PDIA5: variants seen among roughly 807,000 people sequenced by gnomAD.
PDIA5 encodes protein disulfide isomerase family A member 5.
In PDIA5, 58 loss-of-function variants were observed where a neutral mutation model predicts 77.6. The ratio of observed to expected loss-of-function variants is 0.75; its 90% CI spans 0.61 to 0.93. The LOEUF (loss-of-function observed/expected upper bound fraction) is 0.93. Ranked by LOEUF, PDIA5 falls within the 40% of genes least tolerant of loss-of-function variation. The pLI is 0.00. For synonymous variants in PDIA5, 250 were observed against 252.1 expected, an observed-to-expected ratio of 0.99 and a Z score of 0.08; for missense variants, 630 against 647.7, an observed-to-expected ratio of 0.97 and a Z score of 0.30.
intron 11 of PDIA5, among the ~76,000 whole-genome samples, chr3:123,136,452 GT>G (rs1347742671): frequency 6.6e-6 from 1 of 152,114 alleles, no homozygotes; most frequent in Non-Finnish European, 1.5e-5. Context: ...ACAACAGGGG[GT>G]TGGTTGGCTG....
intron 1 of PDIA5, among the ~76,000 whole-genome samples, chr3:123,071,817 G>A (rs376559400): frequency 1.3e-5 from 2 of 152,164 alleles, no homozygotes; most frequent in East Asian, 3.9e-4. Context: ...AGTGTCCCCA[G>A]CACCTAGCCC....
At chr3:123,092,031 C>T (rs1449478458) in intron 2 of PDIA5, among the ~76,000 whole-genome samples, 1 of 152,228 alleles carries the variant, frequency 6.6e-6, no homozygotes, top group East Asian at 1.9e-4. Context: ...GGAGACTTTA[C>T]TGGCCTTGAG....
chr3:123,126,269 G>T (rs1364809047), intron 10 of PDIA5, among the ~76,000 whole-genome samples: 2 of 151,712 alleles, frequency 1.3e-5, no homozygotes, highest in Non-Finnish European at 2.9e-5. Flanking sequence ...CATTGCTCCG[G>T]CTGGCCTGCA....
At chr3:123,109,916 A>G (rs1934822775) in intron 6 of PDIA5, among the ~76,000 whole-genome samples, 1 of 152,258 alleles carries the variant, frequency 6.6e-6, no homozygotes, top group Non-Finnish European at 1.5e-5. Context: ...ATGATGCAGT[A>G]GTATCCCATT....
At chr3:123,115,472 G>T (rs1001012115) in intron 7 of PDIA5, among the ~76,000 whole-genome samples, 1 of 152,134 alleles carries the variant, frequency 6.6e-6, no homozygotes, top group Admixed American at 6.5e-5. Context: ...AGCCCCGGAG[G>T]GCTGAGCCAA....
intron 15 of PDIA5, among the ~76,000 whole-genome samples, chr3:123,159,327 A>C (rs1004877642): frequency 1.3e-5 from 2 of 152,186 alleles, no homozygotes; most frequent in Non-Finnish European, 2.9e-5. Flanking sequence ...CAATTTGGCC[A>C]GGGGAGCATC....
intron 1 of PDIA5, chr3:123,067,540 G>A (rs1933603476): frequency 3.1e-6 from 1 of 322,996 alleles, no homozygotes; most frequent in Admixed American, 5.0e-5. Context: ...GGGCTGCGGG[G>A]TGAGCTCCGC....
chr3:123,074,654 T>G (rs1205538206), intron 1 of PDIA5, among the ~76,000 whole-genome samples: 3 of 152,200 alleles, frequency 2.0e-5, no homozygotes, highest in Non-Finnish European at 4.4e-5. Context: ...AAAATATGAT[T>G]TCTGTTGGTG....
chr3:123,078,037 T>C (rs1933901443), intron 1 of PDIA5, among the ~76,000 whole-genome samples: 1 of 152,158 alleles, frequency 6.6e-6, no homozygotes, highest in African/African-American at 2.4e-5. Context: ...CTCAAACTCC[T>C]GACTGCGTGA....
chr3:123,096,065 T>A (rs1934428303), intron 3 of PDIA5, among the ~76,000 whole-genome samples: 1 of 152,074 alleles, frequency 6.6e-6, no homozygotes, highest in South Asian at 2.1e-4. Flanking sequence ...TCCCTCCCCA[T>A]TCCCCATTTT....
At chr3:123,160,878 G>A (rs764987431) in intron 15 of PDIA5, among the ~76,000 whole-genome samples, 1 of 152,146 alleles carries the variant, frequency 6.6e-6, no homozygotes, top group Non-Finnish European at 1.5e-5. Context: ...CAAACCAAGA[G>A]TGCACTTGGG....
chr3:123,089,673 G>A (rs1474701228), intron 2 of PDIA5, among the ~76,000 whole-genome samples: 2 of 152,266 alleles, frequency 1.3e-5, no homozygotes, highest in Non-Finnish European at 2.9e-5. Context: ...CTTCACCAGA[G>A]CTGTTGATTA....
intron 1 of PDIA5, among the ~76,000 whole-genome samples, chr3:123,085,759 G>T (rs1239923791): frequency 6.6e-6 from 1 of 152,188 alleles, no homozygotes; most frequent in African/African-American, 2.4e-5. Flanking sequence ...CTGGACTACA[G>T]GTCAGAGTCC....
intron 11 of PDIA5, among the ~76,000 whole-genome samples, chr3:123,144,256 A>G (rs1935707763): frequency 6.6e-6 from 1 of 152,150 alleles, no homozygotes; most frequent in South Asian, 2.1e-4. Context: ...TCTTTTTCCT[A>G]ACAATCAGTA....
At chr3:123,079,056 G>A (rs1200392017) in intron 1 of PDIA5, among the ~76,000 whole-genome samples, 1 of 152,032 alleles carries the variant, frequency 6.6e-6, no homozygotes, top group Admixed American at 6.5e-5. Context: ...GCTTATTATG[G>A]CAAGTTGAAA....
intron 11 of PDIA5, among the ~76,000 whole-genome samples, chr3:123,143,024 A>G (rs1935678001): frequency 6.6e-6 from 1 of 152,118 alleles, no homozygotes; most frequent in Admixed American, 6.5e-5. Context: ...TGTATCTATT[A>G]AATGGTGATC....
chr3:123,152,111 T>TCCTTCCTGCCTTCCTTCCTGCCTG (rs1553805960), intron 14 of PDIA5, among the ~76,000 whole-genome samples: 3 of 74,538 alleles, frequency 4.0e-5, no homozygotes, highest in Non-Finnish European at 5.7e-5. Flanking sequence ...CTTCCTTCCT[T>TCCTTCCTGCCTTCCTTCCTGCCTG]CCTTCCTTCC....
chr3:123,078,251 C>T (rs569190410), intron 1 of PDIA5, among the ~76,000 whole-genome samples: 3 of 152,032 alleles, frequency 2.0e-5, no homozygotes, highest in East Asian at 1.9e-4. Flanking sequence ...TGAACGGAGG[C>T]GAGACAGTTC....
chr3:123,085,931 G>C (rs922776861), intron 1 of PDIA5, among the ~76,000 whole-genome samples: 1 of 152,222 alleles, frequency 6.6e-6, no homozygotes, highest in African/African-American at 2.4e-5. Flanking sequence ...TTAGCTCCCT[G>C]GGAGTAGTAG....
Sources: allele counts gnomAD v4.1 joint callset (sites outside exome capture counted in the v4.1 genomes callset), GRCh38; gene constraint gnomAD v4.1.1; transcripts MANE v1.5; gene names NCBI Gene and HGNC (gene_info 2026-07-23, HGNC 2026-07-21).